KIF5C: variants seen among roughly 807,000 people sequenced by gnomAD.
KIF5C encodes kinesin heavy chain isoform 5C.
KIF5C carries 18 observed loss-of-function variants against 125.2 expected under a neutral mutation model. The observed-to-expected ratio is 0.14, with a 90% confidence interval of 0.10 to 0.21. The LOEUF is 0.21. KIF5C is among the 10% of genes least tolerant of loss of function. KIF5C has a pLI of 1.00. For missense variants in KIF5C, 780 were observed against 1,183.8 expected (o/e 0.66, Z 5.01); for synonymous variants, 405 against 434.0 (o/e 0.93, Z 0.83).
chr2:149,010,494 C>T lies in KIF5C; in HGVS notation c.2767+143C>T, dbSNP rs137988670. 0.021 allele frequency: 29,258 copies of T among 1,390,220 alleles called. 377 individuals are homozygous for T. Among genetic ancestry groups the T allele is most frequent in the Non-Finnish European group, 0.025 (26,376 of 1,056,088 alleles). 86.1% of individuals were successfully genotyped at this position (1,390,220 alleles called of 1,614,324 possible). ...GGAGCCCGCAGGACGCAGCCCTCAC[C>T]GCACCCTGTGCTCACCCTGTGGGAA... On this transcript the variant is annotated intron_variant, in intron 24 of 25. Coordinates refer to ENST00000435030, the MANE Select transcript of KIF5C (RefSeq NM_004522.3).
intron 24 of KIF5C, 46 bp downstream of exon 24, chr2:149,010,397 G>A (rs1475781407): frequency 6.7e-7 from 1 of 1,494,078 alleles, no homozygotes; most frequent in South Asian, 1.4e-5. Context: ...AGCTACTGCG[G>A]CCTCTCAGCT....
chr2:148,968,372 T>C (rs1031248992), intron 11 of KIF5C, among the ~76,000 whole-genome samples: 5 of 152,298 alleles, frequency 3.3e-5, no homozygotes, highest in African/African-American at 1.2e-4. Flanking sequence ...CTAGTCTGAT[T>C]TGGGGCTTTG....
intron 7 of KIF5C, among the ~76,000 whole-genome samples, chr2:148,944,453 T>C (rs1477785550): frequency 6.6e-6 from 1 of 152,248 alleles, no homozygotes; most frequent in East Asian, 1.9e-4. Flanking sequence ...TCAAGTTTCA[T>C]CCATGTGGTA....
intron 10 of KIF5C, among the ~76,000 whole-genome samples, chr2:148,950,989 G>A (rs554471301): frequency 6.6e-6 from 1 of 152,248 alleles, no homozygotes; most frequent in East Asian, 1.9e-4. Context: ...CCAGTCAAAT[G>A]TATGGTGTTT....
At chr2:148,952,541 C>T (rs1449621250) in intron 10 of KIF5C, among the ~76,000 whole-genome samples, 1 of 152,068 alleles carries the variant, frequency 6.6e-6, no homozygotes, top group South Asian at 2.1e-4. Flanking sequence ...GGATACCATA[C>T]CTGAGACCAC....
chr2:148,914,255 T>C (rs977865084), intron 1 of KIF5C, among the ~76,000 whole-genome samples: 5 of 152,162 alleles, frequency 3.3e-5, no homozygotes, highest in East Asian at 1.9e-4. Context: ...GCGAAAGAGC[T>C]TGGGGGTGGG....
intron 14 of KIF5C, 51 bp from the exon 15 acceptor site, chr2:148,983,569 A>G (rs1681292609): frequency 2.0e-6 from 3 of 1,496,210 alleles, no homozygotes; most frequent in Middle Eastern, 1.8e-4. Context: ...TGTGGAGTGT[A>G]TGAAATTGAT....
At chr2:149,021,972 G>GTC (rs1355984237) in intron 25 of KIF5C, among the ~76,000 whole-genome samples, 7 of 152,134 alleles carry the variant, frequency 4.6e-5, no homozygotes, top group African/African-American at 1.7e-4. Context: ...CTGATGTTGG[G>GTC]TGCAGGCTGA....
chr2:149,004,482 C>A (rs1314279442), intron 21 of KIF5C, among the ~76,000 whole-genome samples: 1 of 152,094 alleles, frequency 6.6e-6, no homozygotes, highest in African/African-American at 2.4e-5. Context: ...ATCTTGTTAA[C>A]AAAGATCACC....
chr2:148,875,587 T>TCCCCCGGCCCCC lies in KIF5C; in HGVS notation c.-27_-26insCGGCCCCCCCCC. The stretch of plus-strand genomic sequence containing the variant: ...GTTCCCGGCCCCGGCCCCCCACCCA[T>TCCCCCGGCCCCC]CCCCGTGCCCCCTCCCTACCGCCGG... On this transcript the variant is annotated 5_prime_UTR_variant, in exon 1 of 26. Transcript: ENST00000435030. 2.7e-6 allele frequency: 1 copy of TCCCCCGGCCCCC among 366,938 alleles called. No homozygotes were observed. 22.7% of individuals were successfully genotyped at this position (366,938 alleles called of 1,614,324 possible).
chr2:148,957,789 AT>A (rs1359024848), intron 10 of KIF5C, among the ~76,000 whole-genome samples: 11 of 151,388 alleles, frequency 7.3e-5, no homozygotes, highest in East Asian at 1.9e-4. Context: ...TGCATAACTA[AT>A]TTTTTTTTAT....
intron 8 of KIF5C, 87 bp from the exon 9 acceptor site, chr2:148,949,752 C>G (rs1393961992): frequency 2.0e-6 from 3 of 1,497,672 alleles, no homozygotes; most frequent in Non-Finnish European, 2.7e-6. Flanking sequence ...AGGAGGCTGT[C>G]CCCCTTTGCC....
At chr2:148,906,571 T>A (rs4972313) in intron 1 of KIF5C, among the ~76,000 whole-genome samples, 85,054 of 151,426 alleles carry the variant, frequency 0.56, 26,243 homozygotes, top group South Asian at 0.75. Context: ...TAAAATAAAA[T>A]AAAAATAATG....
At chr2:148,947,480 C>T (rs1247994136) in intron 8 of KIF5C, 1 of 188,478 alleles carries the variant, frequency 5.3e-6, no homozygotes, top group African/African-American at 2.4e-5. Flanking sequence ...GGGGCGCTCC[C>T]TGCATTCCCT....
chr2:149,000,801 C>T lies in KIF5C; in HGVS notation c.2373+19C>T, dbSNP rs561878205. The T allele has an allele frequency of 3.2e-5, 51 of 1,612,330 alleles. 1 individual carries two copies. The highest frequency in any genetic ancestry group is 2.7e-4 in the African/African-American group (20 of 74,984). On this transcript the variant is annotated intron_variant, in intron 21 of 25. Transcript: ENST00000435030. ...GACAGTGGTATGTCAAGATATTTCC[C>T]GATTTATGTTTGTCTCCAAGACCGG...
chr2:148,919,331 T>C (rs1475444353), intron 1 of KIF5C, among the ~76,000 whole-genome samples: 1 of 152,212 alleles, frequency 6.6e-6, no homozygotes, highest in African/African-American at 2.4e-5. Flanking sequence ...ATGTGCTGCA[T>C]AGACACCTGG....
At chr2:148,882,388 A>G (rs369778062) in intron 1 of KIF5C, among the ~76,000 whole-genome samples, 39 of 152,236 alleles carry the variant, frequency 2.6e-4, no homozygotes, top group African/African-American at 8.7e-4. Flanking sequence ...ACTTCTCTAC[A>G]CTGTTGTCCG....
intron 1 of KIF5C, among the ~76,000 whole-genome samples, chr2:148,892,464 C>G (rs985892999): frequency 6.6e-6 from 1 of 152,226 alleles, no homozygotes; most frequent in African/African-American, 2.4e-5. Flanking sequence ...GAGAAGAGAG[C>G]TGTAAACCTG....
chr2:148,983,039 T>G (rs1681280781), intron 14 of KIF5C, among the ~76,000 whole-genome samples: 1 of 152,234 alleles, frequency 6.6e-6, no homozygotes. Context: ...AACCAACTAT[T>G]GAACGTAACC....
Sources: gnomAD v4.1 joint callset for allele counts (sites outside exome capture counted in the v4.1 genomes callset) on GRCh38, gnomAD v4.1.1 for gene constraint, MANE v1.5 for transcripts, NCBI Gene and HGNC (gene_info 2026-07-23, HGNC 2026-07-21) for gene names.